The following HMCN1 variants were observed in gnomAD, a reference collection of about 807,000 sequenced individuals.
The protein encoded by HMCN1 is hemicentin 1, also known as hemicentin-1.
HMCN1 carries 321 observed loss-of-function variants against 625.9 expected under a neutral mutation model. The ratio of observed to expected loss-of-function variants is 0.51; its 90% confidence interval spans 0.47 to 0.56. The LOEUF is 0.56. HMCN1 is among the 20% of genes least tolerant of loss of function. HMCN1 has a pLI of 0.00. For synonymous variants in HMCN1, 2,425 were observed against 2,417.6 expected, an observed-to-expected ratio of 1.00 and a Z score of -0.09; for missense variants, 6,588 against 6,887.3, an observed-to-expected ratio of 0.96 and a Z score of 1.54.
intron 68 of HMCN1, among the ~76,000 whole-genome samples, chr1:186,097,929 T>C (rs1660209847): frequency 6.6e-6 from 1 of 152,026 alleles, no homozygotes; most frequent in Admixed American, 6.6e-5. Flanking sequence ...TTGACAAAGG[T>C]CCCAAGAACA....
chr1:185,791,805 A>G (rs1658020964), intron 1 of HMCN1, among the ~76,000 whole-genome samples: 1 of 152,184 alleles, frequency 6.6e-6, no homozygotes. Context: ...ACTGGGTGAT[A>G]TTATTTTTAA....
chr1:186,001,776 A>G (rs572338360), intron 28 of HMCN1, 35 bp downstream of exon 28: 1 of 1,574,048 alleles, frequency 6.4e-7, no homozygotes, highest in Non-Finnish European at 8.7e-7. Context: ...ACTACAATTC[A>G]GAAGCATTTC....
intron 104 of HMCN1, among the ~76,000 whole-genome samples, chr1:186,179,595 A>AGGAGAGAAGTAAAGAG (rs1652813121): frequency 1.3e-5 from 2 of 152,164 alleles, no homozygotes; most frequent in Non-Finnish European, 2.9e-5. Flanking sequence ...GAAAGAACAT[A>AGGAGAGAAGTAAAGAG]GGAGAGAAGT....
intron 69 of HMCN1, 95 bp from the exon 70 acceptor site, chr1:186,106,789 G>A (rs1239672289): frequency 2.3e-6 from 2 of 886,906 alleles, no homozygotes; most frequent in Non-Finnish European, 1.9e-6. Flanking sequence ...CTTGCTTTTG[G>A]TGTGGGGTTA....
At chr1:185,850,148 G>C (rs148337369) in intron 2 of HMCN1, among the ~76,000 whole-genome samples, 135 of 152,280 alleles carry the variant, frequency 8.9e-4, no homozygotes, top group African/African-American at 3.1e-3. Flanking sequence ...GTCTGCAGTA[G>C]AGTAGACTTT....
Position 186,174,766 on chromosome 1 carries a change from A to G in HMCN1, c.15943+124A>G, listed in dbSNP as rs76413655. On this transcript the variant is annotated intron_variant, in intron 103 of 106. Coordinates refer to ENST00000271588, the MANE Select transcript of HMCN1 (RefSeq NM_031935.3). ...CTTGTTACAATAATAAGGTATGTGA[A>G]TTGATTTACGTCATTCAACACAATT... The G allele has an allele frequency of 4.8e-4, 414 of 867,108 alleles. 3 individuals are homozygous for G. The East Asian group carries it at 0.011, about 22-fold the overall frequency. The allele number at this position is 867,108 out of a possible 1,614,324, so 53.7% of individuals were successfully genotyped here. A position where few individuals can be genotyped will look rare whatever the true frequency, so the allele number is the denominator to read the frequency against.
rs190698095 is a variant in HMCN1, at chr1:186,190,332, C to A, written c.*454C>A. 1 of 212,060 alleles carries A rather than the reference C, an allele frequency of 4.7e-6. No homozygotes were observed. The highest frequency in any genetic ancestry group is 5.4e-5 in the Admixed American group (1 of 18,690). 13.1% of individuals were successfully genotyped at this position (212,060 alleles called of 1,614,324 possible). ...TGATCAAAGCTTATAAAATAACTTA[C>A]GGAGATTTTTGTAAGTATTGATACA... is the stretch of plus-strand genomic sequence containing the variant. On this transcript the variant is annotated 3_prime_UTR_variant, in exon 107 of 107. Coordinates refer to ENST00000271588, the MANE Select transcript of HMCN1 (RefSeq NM_031935.3).
At chr1:185,736,554 C>T (rs968149954) in intron 1 of HMCN1, among the ~76,000 whole-genome samples, 4 of 152,126 alleles carry the variant, frequency 2.6e-5, no homozygotes, top group African/African-American at 7.2e-5. Context: ...TTCTCTAACA[C>T]CACGATTTGC....
intron 1 of HMCN1, among the ~76,000 whole-genome samples, chr1:185,813,483 G>A (rs1343916838): frequency 1.3e-5 from 2 of 152,022 alleles, no homozygotes; most frequent in African/African-American, 4.8e-5. Flanking sequence ...TACTGCTGTA[G>A]GAGGCTTTAG....
chr1:185,946,328 T>G (rs1313515924), intron 11 of HMCN1, among the ~76,000 whole-genome samples: 2 of 152,174 alleles, frequency 1.3e-5, no homozygotes, highest in Admixed American at 1.3e-4. Flanking sequence ...AAATTATCCC[T>G]TTTTTGAGCA....
intron 1 of HMCN1, among the ~76,000 whole-genome samples, chr1:185,742,883 G>T (rs1654080495): frequency 6.6e-6 from 1 of 152,172 alleles, no homozygotes; most frequent in African/African-American, 2.4e-5. Flanking sequence ...TTCTCTTAAA[G>T]TATAAGGACC....
At chr1:185,922,054 A>C (rs1426604100) in intron 6 of HMCN1, among the ~76,000 whole-genome samples, 3 of 152,196 alleles carry the variant, frequency 2.0e-5, no homozygotes, top group Non-Finnish European at 4.4e-5. Context: ...AACAATAGTG[A>C]CCAAAACAAA....
intron 1 of HMCN1, among the ~76,000 whole-genome samples, chr1:185,740,482 G>C (rs1428807616): frequency 6.6e-6 from 1 of 152,128 alleles, no homozygotes; most frequent in Non-Finnish European, 1.5e-5. Context: ...TGGCTTGACT[G>C]ATGCTATGGT....
chr1:186,063,472 AGG>A (rs1657902009), intron 48 of HMCN1, among the ~76,000 whole-genome samples: 1 of 130,618 alleles, frequency 7.7e-6, no homozygotes. Flanking sequence ...GAAGGAAGGA[AGG>A]AAGGAAGGAA....
rs547053858 is a variant in HMCN1 at position 186,162,113 on chromosome 1, G to A, written c.15257-2998G>A. 5.9e-5 allele frequency among the ~76,000 whole-genome samples: 9 copies of A among 152,136 alleles called. No individual in the cohort carries two copies. In the South Asian group the frequency reaches 6.2e-4, roughly 11 times the overall value. ...TCCCATATTTCTTGAGGCTTTGTTC[G>A]TTTCTTTTTATTCTTTTTTCTCTAA... is the stretch of plus-strand genomic sequence containing the variant. On this transcript the variant is annotated intron_variant, in intron 97 of 106. Transcript: ENST00000271588.
chr1:186,088,608 A>G lies in HMCN1; in HGVS notation c.9580A>G (p.Asn3194Asp), dbSNP rs1234876646. Residue 3194 changes from asparagine (N) to aspartate (D), a missense_variant and splice_region_variant, in exon 63 of 107, where the codon AAT becomes GAT. By Grantham distance (23) the Asn-to-Asp change is conservative (BLOSUM62 1). Coordinates refer to ENST00000271588, the MANE Select transcript of HMCN1 (RefSeq NM_031935.3). ...TTGTGCTTTGTTTCTACCTCTAGAA[A>G]ATTCTGACTCACTGGAAGTTCGTAT... ...AWLKNHKRIENSDSLEVRILS... is the reference protein window; with the variant it reads ...AWLKNHKRIEDSDSLEVRILS... The G allele has an allele frequency of 6.2e-7, 1 of 1,611,428 alleles. No individual in the cohort carries two copies.
intron 16 of HMCN1, among the ~76,000 whole-genome samples, chr1:185,979,466 T>C (rs1006837705): frequency 5.3e-5 from 8 of 152,132 alleles, no homozygotes; most frequent in East Asian, 1.9e-4. Context: ...ATAAAAGAGC[T>C]CAATATCTTG....
At position 186,053,025 on chromosome 1, in the gene HMCN1, G is replaced by A. The variant is rs1266476611; in HGVS notation, c.6651G>A (p.Leu2217=). Residue 2217 remains leucine, a synonymous_variant, in exon 43 of 107, where the codon TTG becomes TTA. Transcript: ENST00000271588. ...TVIEGNLISL[L]CESSGIPPPN... ...TTGAAGGGAATCTCATTAGTCTGTT[G>A]TGTGAATCAAGTGGTATTCCACCCC... 1 of 1,609,800 alleles carries A rather than the reference G, an allele frequency of 6.2e-7. No individual in the cohort carries two copies. Among genetic ancestry groups the A allele is most frequent in the East Asian group, 2.2e-5 (1 of 44,700 alleles).
At chr1:186,168,438 ACT>A (rs1652014827) in intron 100 of HMCN1, among the ~76,000 whole-genome samples, 1 of 143,796 alleles carries the variant, frequency 7.0e-6, no homozygotes, top group South Asian at 2.2e-4. Flanking sequence ...GGTGACAGAG[ACT>A]CTGTTTCAAA....
Sources: allele counts gnomAD v4.1 joint callset (sites outside exome capture counted in the v4.1 genomes callset), GRCh38; gene constraint gnomAD v4.1.1; transcripts MANE v1.5; gene names NCBI Gene and HGNC (gene_info 2026-07-23, HGNC 2026-07-21).